The following ATR variants were observed in gnomAD, a reference collection of about 807,000 sequenced individuals.
The protein encoded by ATR is ATR checkpoint kinase, also known as serine/threonine-protein kinase ATR.
Under a neutral mutation model 305.3 loss-of-function variants are expected in ATR, and 142 were observed. The observed-to-expected ratio is 0.47, with a 90% CI of 0.41 to 0.53. The LOEUF is 0.53. Among genes scored for constraint, ATR ranks in the 20% least tolerant of loss-of-function variants. The pLI, the probability that ATR is intolerant of heterozygous loss-of-function variation, is 0.00. For synonymous variants in ATR, 1,050 were observed against 1,068.1 expected, an observed-to-expected ratio of 0.98 and a Z score of 0.33; for missense variants, 2,135 against 3,133.1, an observed-to-expected ratio of 0.68 and a Z score of 7.60.
intron 13 of ATR, among the ~76,000 whole-genome samples, chr3:142,552,334 T>A (rs2034502148): frequency 6.6e-6 from 1 of 152,038 alleles, no homozygotes; most frequent in Non-Finnish European, 1.5e-5. Context: ...CATTCTATAG[T>A]AAAGATACAT....
At chr3:142,469,761 A>C (rs1352611287) in intron 37 of ATR, among the ~76,000 whole-genome samples, 192 bp from the exon 38 acceptor site, 1 of 152,184 alleles carries the variant, frequency 6.6e-6, no homozygotes, top group Non-Finnish European at 1.5e-5. Context: ...ATTTAGAGCC[A>C]TTCAAAAACC....
intron 1 of ATR, among the ~76,000 whole-genome samples, chr3:142,575,399 G>A (rs1057045747): frequency 7.3e-5 from 11 of 150,896 alleles, no homozygotes; most frequent in Middle Eastern, 6.8e-3. Flanking sequence ...CAGGAAAATC[G>A]CTTGAACCCG....
intron 30 of ATR, among the ~76,000 whole-genome samples, chr3:142,502,271 T>C (rs758618383): frequency 2.0e-5 from 3 of 152,188 alleles, no homozygotes; most frequent in Non-Finnish European, 2.9e-5. Flanking sequence ...CACTCGTATG[T>C]TCATTGCAGC....
intron 42 of ATR, 88 bp downstream of exon 42, chr3:142,461,851 AC>A (rs2071028444): frequency 1.4e-6 from 2 of 1,407,332 alleles, no homozygotes; most frequent in Admixed American, 1.8e-5. Flanking sequence ...ATATCAAAAA[AC>A]ATATGCTAGC....
chr3:142,555,328 A>G (rs1240750357), intron 10 of ATR, among the ~76,000 whole-genome samples: 2 of 150,246 alleles, frequency 1.3e-5, no homozygotes, highest in African/African-American at 2.4e-5. Context: ...TTTAGGGAGT[A>G]CTTTCTATTG....
intron 8 of ATR, 149 bp downstream of exon 8, chr3:142,558,475 T>C (rs1467636354): frequency 6.0e-6 from 4 of 664,520 alleles, no homozygotes; most frequent in African/African-American, 3.9e-5. Context: ...CAAGCCGAGA[T>C]TGCGCCACTG....
At chr3:142,507,871 A>C in intron 28 of ATR, 60 bp downstream of exon 28, 1 of 1,444,004 alleles carries the variant, frequency 6.9e-7, no homozygotes, top group Non-Finnish European at 9.7e-7. Flanking sequence ...TGAACAACAT[A>C]AACATAAAAG....
intron 45 of ATR, among the ~76,000 whole-genome samples, chr3:142,456,759 A>G (rs1278894449): frequency 6.6e-6 from 1 of 152,236 alleles, no homozygotes; most frequent in Non-Finnish European, 1.5e-5. Flanking sequence ...AGAATGGCTA[A>G]AATAAAAAAG....
chr3:142,526,551 A>G lies in ATR; in HGVS notation c.3946-2352T>C, dbSNP rs1352635454. 2.0e-5 allele frequency among the ~76,000 whole-genome samples: 3 copies of G among 152,008 alleles called. No homozygotes were observed. The East Asian group carries it at 5.8e-4, about 29-fold the overall frequency. ...ACATAGTACATATATAAACATGCATACATATATGTACACATATACATTAAG... is the reference window on the plus strand; with the variant it reads ...ACATAGTACATATATAAACATGCATGCATATATGTACACATATACATTAAG... On this transcript the variant is annotated intron_variant, in intron 21 of 46. Coordinates refer to ENST00000350721, the MANE Select transcript of ATR (RefSeq NM_001184.4).
At chr3:142,493,094 A>G (rs748027314) in intron 35 of ATR, 38 bp downstream of exon 35, 1 of 1,600,372 alleles carries the variant, frequency 6.2e-7, no homozygotes, top group Non-Finnish European at 8.5e-7. Context: ...TTACGTAGTC[A>G]ACAGAGTTAA....
intron 24 of ATR, among the ~76,000 whole-genome samples, chr3:142,519,358 A>G (rs1337233512): frequency 2.0e-5 from 3 of 151,754 alleles, no homozygotes; most frequent in African/African-American, 7.3e-5. Context: ...CTGTAGTGCA[A>G]TGGCACAATC....
At chr3:142,552,002 T>C (rs1013341734) in intron 13 of ATR, among the ~76,000 whole-genome samples, 5 of 151,974 alleles carry the variant, frequency 3.3e-5, no homozygotes, top group Admixed American at 2.6e-4. Flanking sequence ...GCAAAGGACA[T>C]AAACAGACTC....
At chr3:142,564,186 T>C (rs146162653) in intron 3 of ATR, among the ~76,000 whole-genome samples, 1 of 150,760 alleles carries the variant, frequency 6.6e-6, no homozygotes, top group African/African-American at 2.4e-5. Flanking sequence ...AGGTACAACG[T>C]AAACATAACT....
rs2108437433 is a variant in ATR at position 142,540,844 on chromosome 3, G to C, written c.3581+60C>G. On this transcript the variant is annotated intron_variant, in intron 18 of 46. Transcript: ENST00000350721. ...TTCCCTCAAAGAGATAAGAATTCAAGTTAGTGCTACTGGAAAATGCAAAAA... is the reference window on the plus strand; with the variant it reads ...TTCCCTCAAAGAGATAAGAATTCAACTTAGTGCTACTGGAAAATGCAAAAA... 2.6e-6 allele frequency: 4 copies of C among 1,527,082 alleles called. No homozygotes were observed. In the South Asian group the frequency reaches 4.8e-5, roughly 18 times the overall value. 94.6% of individuals were successfully genotyped at this position (1,527,082 alleles called of 1,614,324 possible).
intron 46 of ATR, chr3:142,451,416 A>G: frequency 6.7e-7 from 1 of 1,482,694 alleles, no homozygotes; most frequent in Non-Finnish European, 9.1e-7. Context: ...GCCTAGAAAT[A>G]TTTTTCTTCA....
Position 142,505,303 on chromosome 3 carries a change from T to G in ATR, c.5032A>C (p.Lys1678Gln). ...NIQEHLGFLQ[K>Q]LYAAMHEPDG... Reference sequence around the variant, plus strand: ...GGTTCATGCATAGCAGCATACAATTTCTTTGTTCAATGATTAAAAAACAAT... The same window carrying G: ...GGTTCATGCATAGCAGCATACAATTGCTTTGTTCAATGATTAAAAAACAAT... Residue 1678 changes from lysine (K) to glutamine (Q), a missense_variant and splice_region_variant, in exon 29 of 47, where the codon AAA (lysine) becomes CAA (glutamine). Lys to Gln is a moderately conservative substitution (Grantham distance 53, BLOSUM62 1). Transcript: ENST00000350721. The G allele has an allele frequency of 6.2e-7, 1 of 1,613,572 alleles. No homozygotes were observed. The highest frequency in any genetic ancestry group is 8.5e-7 in the Non-Finnish European group (1 of 1,179,798).
At chr3:142,450,631 T>A (rs1251024432) in intron 46 of ATR, 1 of 1,607,394 alleles carries the variant, frequency 6.2e-7, no homozygotes, top group East Asian at 2.2e-5. Flanking sequence ...TGGAAGAGTA[T>A]ACAAGGTCAG....
intron 46 of ATR, chr3:142,450,788 C>A: frequency 6.9e-7 from 1 of 1,441,184 alleles, no homozygotes; most frequent in East Asian, 2.6e-5. Flanking sequence ...ACTGCGTGGA[C>A]AGAACATGTT....
chr3:142,514,591 G>A (rs1260027898), intron 25 of ATR, among the ~76,000 whole-genome samples: 5 of 149,142 alleles, frequency 3.4e-5, no homozygotes, highest in East Asian at 2.0e-4. Context: ...CTGAGATCGC[G>A]CCACTGCACT....
Sources: allele counts gnomAD v4.1 joint callset (sites outside exome capture counted in the v4.1 genomes callset), GRCh38; gene constraint gnomAD v4.1.1; transcripts MANE v1.5; gene names NCBI Gene and HGNC (gene_info 2026-07-23, HGNC 2026-07-21).